Variants in MCL1 observed in about 807,000 individuals in gnomAD.
MCL1 encodes the protein induced myeloid leukemia cell differentiation protein Mcl-1.
A neutral mutation model predicts 24.2 loss-of-function variants in MCL1; 4 were observed. The ratio of observed to expected loss-of-function variants is 0.17; its 90% CI spans 0.08 to 0.38. The LOEUF is 0.38. Among genes scored for constraint, MCL1 ranks in the 10% least tolerant of loss-of-function variants. The pLI is 1.00. For synonymous variants in MCL1, 248 were observed against 214.0 expected (o/e 1.16, Z -1.39); for missense variants, 529 against 480.3 (o/e 1.10, Z -0.95).
Position 150,579,588 on chromosome 1 carries a change from G to A in MCL1, c.-58C>T, listed in dbSNP as rs1401951476. 31 of 1,512,264 alleles carry A rather than the reference G, an allele frequency of 2.0e-5. No homozygotes were observed. The highest frequency in any genetic ancestry group is 2.0e-4 in the South Asian group (17 of 83,844). 93.7% of individuals were successfully genotyped at this position (1,512,264 alleles called of 1,614,324 possible). On this transcript the variant is annotated 5_prime_UTR_variant, in exon 1 of 3. Coordinates refer to ENST00000369026, the MANE Select transcript of MCL1 (RefSeq NM_021960.5). ...CTGGGGAAGACCCCGACTCCTTACTGGAAGGAAGCGGAAGTGAGAAGTGGC... is the reference window on the plus strand; with the variant it reads ...CTGGGGAAGACCCCGACTCCTTACTAGAAGGAAGCGGAAGTGAGAAGTGGC...
In MCL1 at chr1:150,577,476, A is replaced by C; in HGVS notation, c.952T>G (p.Phe318Val). Residue 318 changes from phenylalanine (F) to valine (V), a missense_variant, in exon 3 of 3, where the codon TTC becomes GTC. Phe to Val is a conservative substitution (Grantham distance 50, BLOSUM62 -1). Coordinates refer to ENST00000369026, the MANE Select transcript of MCL1 (RefSeq NM_021960.5). ...KQRGWDGFVE[F>V]FHVEDLEGGI... ...CCTTCTAGGTCCTCTACATGGAAGAACTCCACAAACCCATCCTAGAAAACA... is the reference window on the plus strand; with the variant it reads ...CCTTCTAGGTCCTCTACATGGAAGACCTCCACAAACCCATCCTAGAAAACA... 6.2e-7 allele frequency: 1 copy of C among 1,611,122 alleles called. No homozygotes were observed. Among genetic ancestry groups the C allele is most frequent in the Non-Finnish European group, 8.5e-7 (1 of 1,179,012 alleles).
chr1:150,575,142 T>C lies in MCL1; in HGVS notation c.*2233A>G, dbSNP rs903184066. On this transcript the variant is annotated 3_prime_UTR_variant, in exon 3 of 3. Transcript: ENST00000369026. ...ATCTTAAGATTAATTAAAAACTACATAAAGTGCTTTTAGGTCCTTAGAGAT... is the reference window on the plus strand; with the variant it reads ...ATCTTAAGATTAATTAAAAACTACACAAAGTGCTTTTAGGTCCTTAGAGAT... 34 of 233,200 alleles carry C rather than the reference T, an allele frequency of 1.5e-4. No individual in the cohort carries two copies. Among genetic ancestry groups the C allele is most frequent in the South Asian group, 5.4e-4 (3 of 5,528 alleles). The allele number at this position is 233,200 out of a possible 1,614,324, so 14.4% of individuals were successfully genotyped here.
At position 150,577,470 on chromosome 1, in the gene MCL1, G is replaced by A. The variant is rs1414161949; in HGVS notation, c.958C>T (p.His320Tyr). The A allele has an allele frequency of 1.2e-6, 2 of 1,610,996 alleles. No homozygotes were observed. Among genetic ancestry groups the A allele is most frequent in the Admixed American group, 1.7e-5 (1 of 59,196 alleles). The part of the protein sequence containing the change: ...RGWDGFVEFF[H>Y]VEDLEGGIRN... ...ATGCCACCTTCTAGGTCCTCTACATGGAAGAACTCCACAAACCCATCCTAG... is the reference window on the plus strand; with the variant it reads ...ATGCCACCTTCTAGGTCCTCTACATAGAAGAACTCCACAAACCCATCCTAG... Residue 320 changes from histidine to tyrosine, a missense_variant, in exon 3 of 3, where the codon CAT becomes TAT. By Grantham distance (83) the His-to-Tyr change is moderately conservative. Transcript: ENST00000369026.
chr1:150,579,379 C>A lies in MCL1; in HGVS notation c.152G>T (p.Gly51Val), dbSNP rs753664661. 1 of 1,523,714 alleles carries A rather than the reference C, an allele frequency of 6.6e-7. No homozygotes were observed. The highest frequency in any genetic ancestry group is 2.5e-5 in the East Asian group (1 of 39,688). 94.4% of individuals were successfully genotyped at this position (1,523,714 alleles called of 1,614,324 possible). Residue 51 changes from glycine to valine, a missense_variant, in exon 1 of 3, where the codon GGG becomes GTG. Physicochemically the swap from Gly to Val is moderately radical, Grantham distance 109. Coordinates refer to ENST00000369026, the MANE Select transcript of MCL1 (RefSeq NM_021960.5). ...TCCGCCAATCACCGCGCCGGCCTCC[C>A]CTCCCCCTATCTCTCGCCGGGCCGA... ...EASARREIGG[G>V]EAGAVIGGSA...
Position 150,577,138 on chromosome 1 carries a change from A to G in MCL1, c.*237T>C. 2 of 451,120 alleles carry G rather than the reference A, an allele frequency of 4.4e-6. No homozygotes were observed. The highest frequency in any genetic ancestry group is 7.9e-6 in the Non-Finnish European group (2 of 251,960). 27.9% of individuals were successfully genotyped at this position (451,120 alleles called of 1,614,324 possible). On this transcript the variant is annotated 3_prime_UTR_variant, in exon 3 of 3. Transcript: ENST00000369026. ...TCCTCCTCCATAGCTTCCCAAACAA[A>G]GTTTGTTTGTTGCTGAAACTGAACT... is the stretch of plus-strand genomic sequence containing the variant.
chr1:150,577,866 C>A (rs1452205377), intron 2 of MCL1, among the ~76,000 whole-genome samples: 1 of 152,162 alleles, frequency 6.6e-6, no homozygotes, highest in Non-Finnish European at 1.5e-5. Context: ...CATCCTGCAT[C>A]AGATCTGGGT....
At position 150,575,490 on chromosome 1, in the gene MCL1, A is replaced by G. The variant is rs77328195; in HGVS notation, c.*1885T>C. 1,004 of 233,052 alleles carry G rather than the reference A, an allele frequency of 4.3e-3. 3 individuals carry two copies. Among genetic ancestry groups the G allele is most frequent in the Admixed American group, 8.3e-3 (148 of 17,788 alleles). The allele number at this position is 233,052 out of a possible 1,614,324, so 14.4% of individuals were successfully genotyped here. On this transcript the variant is annotated 3_prime_UTR_variant, in exon 3 of 3. Coordinates refer to ENST00000369026, the MANE Select transcript of MCL1 (RefSeq NM_021960.5). Reference sequence around the variant, plus strand: ...CATACTCCTATACAAAGGAAACTTTAGAGAAAGCCTCATAAAATGTTCTTT... The same window carrying G: ...CATACTCCTATACAAAGGAAACTTTGGAGAAAGCCTCATAAAATGTTCTTT...
In MCL1 at chr1:150,575,574, A is replaced by G. The variant is rs770530379; in HGVS notation, c.*1801T>C. ...TTGCCCCCAAAGACAGGATAAAACA[A>G]TAGTTGAAAAGATACCAGTCCAAGG... On this transcript the variant is annotated 3_prime_UTR_variant, in exon 3 of 3. Coordinates refer to ENST00000369026, the MANE Select transcript of MCL1 (RefSeq NM_021960.5). The G allele has an allele frequency of 2.6e-5, 6 of 233,048 alleles. No homozygotes were observed. The highest frequency in any genetic ancestry group is 5.6e-5 in the Admixed American group (1 of 17,772). 14.4% of individuals were successfully genotyped at this position (233,048 alleles called of 1,614,324 possible). A position where few individuals can be genotyped will look rare whatever the true frequency, so the allele number is the denominator to read the frequency against.
In MCL1 at chr1:150,579,036, C is replaced by A. The variant is rs1284605579; in HGVS notation, c.495G>T (p.Pro165=). The A allele has an allele frequency of 6.2e-7, 1 of 1,613,444 alleles. No individual in the cohort carries two copies. Among genetic ancestry groups the A allele is most frequent in the East Asian group, 2.2e-5 (1 of 44,876 alleles). The change falls in exon 1 of 3, where the codon CCG becomes CCT. Residue 165 remains proline (P), a synonymous_variant. Coordinates refer to ENST00000369026, the MANE Select transcript of MCL1 (RefSeq NM_021960.5). ...ACTCGTCCTCCTCCTCCTCTGCTGG[C>A]GGCGGCGTCGAGGGTAGTGACCCGT... ...STDGSLPSTP[P]PAEEEEDELY...
In MCL1 at chr1:150,579,390, C is replaced by A; in HGVS notation, c.141G>T (p.Glu47Asp). ...CCGCGCCGGCCTCCCCTCCCCCTAT[C>A]TCTCGCCGGGCCGAGGCCTCCTTCT... Reference protein sequence around the residue: ...ATEKEASARREIGGGEAGAVI... With the variant: ...ATEKEASARRDIGGGEAGAVI... Residue 47 changes from glutamate to aspartate, a missense_variant, in exon 1 of 3, where the codon GAG becomes GAT. Transcript: ENST00000369026. 1 of 1,548,678 alleles carries A rather than the reference C, an allele frequency of 6.5e-7. No individual in the cohort carries two copies. The highest frequency in any genetic ancestry group is 2.5e-5 in the East Asian group (1 of 40,382).
Position 150,579,129 on chromosome 1 carries a change from G to A in MCL1, c.402C>T (p.Leu134=). 1 of 1,612,594 alleles carries A rather than the reference G, an allele frequency of 6.2e-7. No individual in the cohort carries two copies. Among genetic ancestry groups the A allele is most frequent in the South Asian group, 1.1e-5 (1 of 91,082 alleles). ...EELDGYEPEP[L]GKRPAVLPLL... is the part of the protein sequence containing the mutation. ...GCGGCAGGACAGCCGGCCGCTTCCCGAGAGGCTCCGGCTCGTACCCGTCCA... is the reference window on the plus strand; with the variant it reads ...GCGGCAGGACAGCCGGCCGCTTCCCAAGAGGCTCCGGCTCGTACCCGTCCA... The change falls in exon 1 of 3, where the codon CTC becomes CTT. Residue 134 remains leucine, a synonymous_variant. Transcript: ENST00000369026.
Position 150,578,289 on chromosome 1 carries a change from A to C in MCL1, c.891T>G (p.Val297=). 1 of 1,614,180 alleles carries C rather than the reference A, an allele frequency of 6.2e-7. No homozygotes were observed. Among genetic ancestry groups the C allele is most frequent in the Non-Finnish European group, 8.5e-7 (1 of 1,180,026 alleles). The part of the protein sequence containing the change: ...IEPLAESITD[V]LVRTKRDWLV... ...GCCAGTCCCGTTTTGTCCTTACGAG[A>C]ACGTCTGTGATACTTTCTGCTAATG... Residue 297 remains valine, a synonymous_variant, in exon 2 of 3, where the codon GTT becomes GTG. Coordinates refer to ENST00000369026, the MANE Select transcript of MCL1 (RefSeq NM_021960.5).
intron 1 of MCL1, 147 bp from the exon 2 acceptor site, chr1:150,578,638 G>A (rs1647924079): frequency 8.1e-6 from 9 of 1,108,460 alleles, no homozygotes; most frequent in African/African-American, 3.1e-5. Context: ...CACCCTTTCC[G>A]GTCTTTGAAC....
rs1332412286 is a variant in MCL1, at chr1:150,577,473, A to G, written c.955T>C (p.Phe319Leu). 3.1e-6 allele frequency: 5 copies of G among 1,611,300 alleles called. No homozygotes were observed. The highest frequency in any genetic ancestry group is 4.2e-6 in the Non-Finnish European group (5 of 1,179,122). Residue 319 changes from phenylalanine to leucine, a missense_variant, in exon 3 of 3, where the codon TTC becomes CTC. Phe to Leu is a conservative substitution (Grantham distance 22, BLOSUM62 0). Transcript: ENST00000369026. ...QRGWDGFVEF[F>L]HVEDLEGGIR... is the part of the protein sequence containing the mutation. ...CCACCTTCTAGGTCCTCTACATGGA[A>G]GAACTCCACAAACCCATCCTAGAAA... is the stretch of plus-strand genomic sequence containing the variant.
rs776618436 is a variant in MCL1 at position 150,579,045 on chromosome 1, C to G, written c.486G>C (p.Ser162=). Residue 162 remains serine, a synonymous_variant, in exon 1 of 3, where the codon TCG becomes TCC. Coordinates refer to ENST00000369026, the MANE Select transcript of MCL1 (RefSeq NM_021960.5). ...CCTCCTCCTCTGCTGGCGGCGGCGT[C>G]GAGGGTAGTGACCCGTCCGTACTGG... ...NNTSTDGSLP[S]TPPPAEEEED... is the part of the protein sequence containing the mutation. 7 of 1,613,366 alleles carry G rather than the reference C, an allele frequency of 4.3e-6. No homozygotes were observed. The highest frequency in any genetic ancestry group is 5.9e-6 in the Non-Finnish European group (7 of 1,180,032).
At chr1:150,577,558 CAG>C in intron 2 of MCL1, 67 bp from the exon 3 acceptor site, 8 of 1,445,508 alleles carry the variant, frequency 5.5e-6, no homozygotes, top group South Asian at 2.8e-5. Flanking sequence ...CACTACTATC[CAG>C]AGAGAAGGTA....
chr1:150,574,574 A>ATT lies in MCL1; in HGVS notation c.*2799_*2800dup. ...CACCCTGTATTTGAATAAAAGATTT[A>ATT]TTTTTTTTTCTCAGGAAAAACAGAA... On this transcript the variant is annotated 3_prime_UTR_variant, in exon 3 of 3. Coordinates refer to ENST00000369026, the MANE Select transcript of MCL1 (RefSeq NM_021960.5). 4.4e-6 allele frequency: 1 copy of ATT among 225,668 alleles called. No homozygotes were observed. The allele number at this position is 225,668 out of a possible 1,614,324, so 14.0% of individuals were successfully genotyped here.
intron 2 of MCL1, among the ~76,000 whole-genome samples, chr1:150,577,710 G>T (rs942573573): frequency 6.6e-6 from 1 of 152,114 alleles, no homozygotes; most frequent in African/African-American, 2.4e-5. Context: ...GTACTATCTT[G>T]GTCTTATTAG....
rs1376303389 is a variant in MCL1 at position 150,576,847 on chromosome 1, T to C, written c.*528A>G. The stretch of plus-strand genomic sequence containing the variant: ...TAACAGGTATAAAAGTCCTGAACAC[T>C]TGGACTTTCTAAGAAGTATACTGGG... On this transcript the variant is annotated 3_prime_UTR_variant, in exon 3 of 3. Coordinates refer to ENST00000369026, the MANE Select transcript of MCL1 (RefSeq NM_021960.5). 4.3e-6 allele frequency: 1 copy of C among 233,088 alleles called. No homozygotes were observed. The highest frequency in any genetic ancestry group is 8.5e-6 in the Non-Finnish European group (1 of 117,816). The allele number at this position is 233,088 out of a possible 1,614,324, so 14.4% of individuals were successfully genotyped here.
Sources: allele counts gnomAD v4.1 joint callset (sites outside exome capture counted in the v4.1 genomes callset), GRCh38; gene constraint gnomAD v4.1.1; transcripts MANE v1.5; gene names NCBI Gene and HGNC (gene_info 2026-07-23, HGNC 2026-07-21).